Variants in RBFOX1 observed in about 807,000 individuals in gnomAD.
RBFOX1 encodes the protein RNA binding protein fox-1 homolog 1.
A neutral mutation model predicts 57.7 loss-of-function variants in RBFOX1; 8 were observed. That is an observed-to-expected ratio of 0.14 (90% CI 0.08 to 0.25). The LOEUF (loss-of-function observed/expected upper bound fraction) is 0.25. Ranked by LOEUF, RBFOX1 falls within the 10% of genes least tolerant of loss-of-function variation. The pLI, the probability that RBFOX1 is intolerant of heterozygous loss-of-function variation, is 1.00. For missense variants in RBFOX1, 611 were observed against 548.5 expected (o/e 1.11, Z -1.14); for synonymous variants, 326 against 222.4 (o/e 1.47, Z -4.15).
intron 4 of RBFOX1, among the ~76,000 whole-genome samples, chr16:7,171,271 C>G (rs2080645221): frequency 6.6e-6 from 1 of 152,174 alleles, no homozygotes; most frequent in Non-Finnish European, 1.5e-5. Flanking sequence ...CTTGAAACCC[C>G]AATTTCCTCA....
At chr16:6,140,840 T>C in intron 1 of RBFOX1, among the ~76,000 whole-genome samples, 1 of 152,234 alleles carries the variant, frequency 6.6e-6, no homozygotes, top group East Asian at 1.9e-4. Flanking sequence ...ATCTGTGGTT[T>C]GGTTTCTTAT....
At chr16:5,806,835 C>T (rs1440881144) in intron 3 of RBFOX1, among the ~76,000 whole-genome samples, 2 of 152,210 alleles carry the variant, frequency 1.3e-5, no homozygotes, top group African/African-American at 2.4e-5. Flanking sequence ...GCCTTCACGT[C>T]GTCAGGGGCT....
chr16:6,925,842 G>T (rs759175376), intron 3 of RBFOX1, among the ~76,000 whole-genome samples: 1 of 151,516 alleles, frequency 6.6e-6, no homozygotes, highest in Non-Finnish European at 1.5e-5. Context: ...TCCTTGCAAG[G>T]TTATGTGATT....
At chr16:6,772,833 G>C (rs2078563121) in intron 3 of RBFOX1, among the ~76,000 whole-genome samples, 1 of 149,410 alleles carries the variant, frequency 6.7e-6, no homozygotes, top group South Asian at 2.2e-4. Context: ...GTGTATGTGA[G>C]TGTATGTGTG....
At chr16:6,735,592 T>G (rs1474095944) in intron 3 of RBFOX1, among the ~76,000 whole-genome samples, 2 of 152,232 alleles carry the variant, frequency 1.3e-5, no homozygotes, top group Non-Finnish European at 2.9e-5. Flanking sequence ...TATGTCCCAT[T>G]GCATGGCTAA....
intron 4 of RBFOX1, among the ~76,000 whole-genome samples, chr16:5,922,616 G>A (rs1173227674): frequency 2.0e-5 from 3 of 152,196 alleles, no homozygotes; most frequent in Admixed American, 1.3e-4. Context: ...CTGGCAGAAA[G>A]CTGCTGCTGG....
At chr16:7,330,943 G>A (rs2096683397) in intron 4 of RBFOX1, among the ~76,000 whole-genome samples, 1 of 152,094 alleles carries the variant, frequency 6.6e-6, no homozygotes, top group African/African-American at 2.4e-5. Flanking sequence ...AAAAGCTAAA[G>A]TTAGAAACAG....
intron 4 of RBFOX1, among the ~76,000 whole-genome samples, chr16:7,189,763 C>A (rs2084919178): frequency 6.6e-6 from 1 of 152,184 alleles, no homozygotes; most frequent in African/African-American, 2.4e-5. Context: ...GCAGGCAATC[C>A]CTTCTATAAC....
chr16:6,872,183 G>T (rs1051259479), intron 3 of RBFOX1, among the ~76,000 whole-genome samples: 1 of 152,192 alleles, frequency 6.6e-6, no homozygotes, highest in South Asian at 2.1e-4. Flanking sequence ...GTCTGTCTTA[G>T]TCACCAACTT....
chr16:6,024,911 C>A (rs1027491923), intron 1 of RBFOX1, among the ~76,000 whole-genome samples: 107 of 152,186 alleles, frequency 7.0e-4, no homozygotes, highest in African/African-American at 2.6e-3. Context: ...AAAAGACTTC[C>A]GTTCTAGGAT....
chr16:6,547,104 G>A (rs1241985509), intron 2 of RBFOX1, among the ~76,000 whole-genome samples: 1 of 152,194 alleles, frequency 6.6e-6, no homozygotes, highest in Non-Finnish European at 1.5e-5. Context: ...CAACTCTATT[G>A]CATTGAGAAT....
At chr16:6,884,988 C>A (rs557855577) in intron 3 of RBFOX1, among the ~76,000 whole-genome samples, 1 of 152,268 alleles carries the variant, frequency 6.6e-6, no homozygotes, top group African/African-American at 2.4e-5. Flanking sequence ...TATTCTAAAG[C>A]TTTGGTTGTT....
intron 2 of RBFOX1, among the ~76,000 whole-genome samples, chr16:5,546,579 C>T (rs144513923): frequency 6.6e-6 from 1 of 152,254 alleles, no homozygotes; most frequent in Non-Finnish European, 1.5e-5. Flanking sequence ...GAATTCCAAT[C>T]TGTATCTGTG....
At chr16:6,162,885 C>G (rs1447028326) in intron 1 of RBFOX1, among the ~76,000 whole-genome samples, 1 of 152,140 alleles carries the variant, frequency 6.6e-6, no homozygotes, top group South Asian at 2.1e-4. Flanking sequence ...AGGCGTGCAC[C>G]ACCATGCCAG....
At chr16:7,392,516 A>G (rs1403831799) in intron 4 of RBFOX1, among the ~76,000 whole-genome samples, 2 of 152,136 alleles carry the variant, frequency 1.3e-5, no homozygotes, top group Non-Finnish European at 2.9e-5. Context: ...CTTGAATGGG[A>G]GATATTTAGG....
chr16:5,433,737 C>T (rs987801407), intron 1 of RBFOX1, among the ~76,000 whole-genome samples: 5 of 152,186 alleles, frequency 3.3e-5, no homozygotes, highest in African/African-American at 1.2e-4. Flanking sequence ...TCCTCCCCTC[C>T]CTGCTCCATG....
intron 1 of RBFOX1, among the ~76,000 whole-genome samples, chr16:6,077,038 G>A (rs182032599): frequency 1.5e-4 from 23 of 152,126 alleles, no homozygotes; most frequent in Non-Finnish European, 2.6e-4. Context: ...TGAAGCGCTC[G>A]GCAAATGTAG....
intron 4 of RBFOX1, among the ~76,000 whole-genome samples, chr16:5,882,896 T>C (rs987618898): frequency 6.6e-6 from 1 of 152,254 alleles, no homozygotes; most frequent in Non-Finnish European, 1.5e-5. Context: ...TGAAAATGTG[T>C]AATAGTCTGT....
At chr16:7,698,714 C>T (rs550636917) in intron 14 of RBFOX1, among the ~76,000 whole-genome samples, 3 of 152,040 alleles carry the variant, frequency 2.0e-5, no homozygotes, top group East Asian at 3.9e-4. Flanking sequence ...GCTAATTGGT[C>T]CATTTCCAAT....
Sources: allele counts gnomAD v4.1 joint callset (sites outside exome capture counted in the v4.1 genomes callset), GRCh38; gene constraint gnomAD v4.1.1; transcripts MANE v1.5; gene names NCBI Gene and HGNC (gene_info 2026-07-23, HGNC 2026-07-21).